The following LARP6 variants were observed in gnomAD, a reference collection of about 807,000 sequenced individuals.
LARP6 encodes La ribonucleoprotein 6, translational regulator, also known as la-related protein 6.
LARP6 carries 18 observed loss-of-function variants against 32.8 expected under a neutral mutation model. The ratio of observed to expected loss-of-function variants is 0.55; its 90% CI spans 0.38 to 0.81. The LOEUF (loss-of-function observed/expected upper bound fraction) is 0.81, where lower values mean the gene tolerates loss of function less well. Among genes scored for constraint, LARP6 ranks in the 40% least tolerant of loss-of-function variants. The pLI is 0.00. For synonymous variants in LARP6, 289 were observed against 267.2 expected (o/e 1.08, Z -0.80); for missense variants, 598 against 663.1 (o/e 0.90, Z 1.08).
At position 70,832,581 on chromosome 15, in the gene LARP6, A is replaced by G; in HGVS notation, c.947T>C (p.Leu316Pro). The change falls in exon 3 of 3, where the codon CTG (leucine) becomes CCG (proline). Residue 316 changes from leucine to proline, a missense_variant. Physicochemically the swap from Leu to Pro is moderately conservative, Grantham distance 98. Transcript: ENST00000299213. ...GACTCTCTTGTTCAGGGACTTGTTC[A>G]GGTGGATGCTCGCAGTGGGCTCCTC... ...HDEEPTASIHLNKSLNKRVEE... is the reference protein window; with the variant it reads ...HDEEPTASIHPNKSLNKRVEE... 1 of 1,586,170 alleles carries G rather than the reference A, an allele frequency of 6.3e-7. No individual in the cohort carries two copies. Among genetic ancestry groups the G allele is most frequent in the Non-Finnish European group, 8.6e-7 (1 of 1,168,936 alleles).
rs1454171249 is a variant in LARP6, at chr15:70,854,031, C to A, written c.58G>T (p.Val20Phe). The A allele has an allele frequency of 2.1e-6, 3 of 1,452,502 alleles. No individual in the cohort carries two copies. Among genetic ancestry groups the A allele is most frequent in the African/African-American group, 1.5e-5 (1 of 67,936 alleles). 90.0% of individuals were successfully genotyped at this position (1,452,502 alleles called of 1,614,324 possible). ...PGPKTAVQIR[V>F]AIQEAEDVDE... ...ACGTCCTCGGCCTCCTGGATGGCGA[C>A]GCGGATCTGCACCGCCGTCTTGGGC... Residue 20 changes from valine to phenylalanine, a missense_variant, in exon 1 of 3, where the codon GTC (valine) becomes TTC (phenylalanine). Val to Phe is a conservative substitution (Grantham distance 50). Coordinates refer to ENST00000299213, the MANE Select transcript of LARP6 (RefSeq NM_018357.4).
chr15:70,836,004 A>G (rs1046932777), intron 2 of LARP6, among the ~76,000 whole-genome samples: 1 of 152,090 alleles, frequency 6.6e-6, no homozygotes, highest in Non-Finnish European at 1.5e-5. Context: ...CCTCCTGGCC[A>G]CCCACTTGCC....
rs2032052715 is a variant in LARP6 at position 70,832,140 on chromosome 15, C to A, written c.1388G>T (p.Gly463Val). The A allele has an allele frequency of 3.1e-6, 5 of 1,610,728 alleles. No individual in the cohort carries two copies. The highest frequency in any genetic ancestry group is 4.2e-6 in the Non-Finnish European group (5 of 1,178,356). ...LLSRKMQTAD[G>V]LPVGVLRLPR... The stretch of plus-strand genomic sequence containing the variant: ...CAACCTCAGCACCCCTACGGGTAGC[C>A]CATCTGCAGTCTGCATCTTCCGGGA... Residue 463 changes from glycine to valine, a missense_variant, in exon 3 of 3, where the codon GGG (glycine) becomes GTG (valine). Around this residue, in one of 3 missense-constraint regions of LARP6, gnomAD observed 368 missense variants for 397.9 expected, o/e 0.92. Coordinates refer to ENST00000299213, the MANE Select transcript of LARP6 (RefSeq NM_018357.4).
rs766976043 is a variant in LARP6, at chr15:70,832,544, C to T, written c.984G>A (p.Gln328=). 5.1e-6 allele frequency: 8 copies of T among 1,560,488 alleles called. No individual in the cohort carries two copies. The highest frequency in any genetic ancestry group is 4.5e-5 in the East Asian group (2 of 44,706). Residue 328 remains glutamine (Q), a synonymous_variant, in exon 3 of 3, where the codon CAG becomes CAA. Transcript: ENST00000299213. ...KSLNKRVEEL[Q]YMGDESSANS... is the part of the protein sequence containing the mutation. ...TGGCAGAAGACTCATCACCCATGTA[C>T]TGAAGCTCCTCGACTCTCTTGTTCA... is the stretch of plus-strand genomic sequence containing the variant.
intron 1 of LARP6, among the ~76,000 whole-genome samples, chr15:70,846,696 C>T (rs934430350): frequency 1.4e-4 from 21 of 152,050 alleles, no homozygotes; most frequent in African/African-American, 4.8e-4. Flanking sequence ...TATTCAGACT[C>T]ATTTAGAATC....
Position 70,833,108 on chromosome 15 carries a change from A to G in LARP6, c.420T>C (p.His140=). The G allele has an allele frequency of 6.2e-7, 1 of 1,613,818 alleles. No individual in the cohort carries two copies. The highest frequency in any genetic ancestry group is 8.5e-7 in the Non-Finnish European group (1 of 1,179,762). The change falls in exon 3 of 3, where the codon CAT becomes CAC. Residue 140 remains histidine (H), a synonymous_variant. Transcript: ENST00000299213. ...CTGTGGTTCTCCAGTCCCGTGTAAG[A>G]TGTTTCACCTGCAGAACATAAAGCA... is the stretch of plus-strand genomic sequence containing the variant. ...KLLTSFKKVK[H]LTRDWRTTAH...
At chr15:70,852,216 T>C (rs752852407) in intron 1 of LARP6, 1 of 449,678 alleles carries the variant, frequency 2.2e-6, no homozygotes, top group South Asian at 1.6e-5. Flanking sequence ...CACTGGGCTC[T>C]GTCAGCTCAC....
intron 1 of LARP6, chr15:70,851,613 A>G (rs747212092): frequency 6.2e-7 from 1 of 1,607,114 alleles, no homozygotes; most frequent in Non-Finnish European, 8.5e-7. Flanking sequence ...GATGATAGAG[A>G]TACGCATTCA....
chr15:70,851,574 C>T, intron 1 of LARP6: 1 of 1,574,702 alleles, frequency 6.4e-7, no homozygotes, highest in Non-Finnish European at 8.6e-7. Context: ...AGGGGAAACA[C>T]AAATATCTCA....
intron 2 of LARP6, among the ~76,000 whole-genome samples, 199 bp downstream of exon 2, chr15:70,836,096 G>A (rs563530186): frequency 2.2e-4 from 33 of 152,180 alleles, no homozygotes; most frequent in African/African-American, 7.9e-4. Flanking sequence ...CCAATGCCCA[G>A]GACCCTTTTA....
At position 70,832,750 on chromosome 15, in the gene LARP6, T is replaced by C; in HGVS notation, c.778A>G (p.Ile260Val). Reference sequence around the variant, plus strand: ...GCTTCCACCTCCTCGAACTCCACGATGGCGCACTCCTGGGTCCCCACTTGG... The same window carrying C: ...GCTTCCACCTCCTCGAACTCCACGACGGCGCACTCCTGGGTCCCCACTTGG... ...YSQVGTQECA[I>V]VEFEEVEAAI... Residue 260 changes from isoleucine (I) to valine (V), a missense_variant, in exon 3 of 3, where the codon ATC becomes GTC. Transcript: ENST00000299213. The C allele has an allele frequency of 6.3e-7, 1 of 1,598,902 alleles. No individual in the cohort carries two copies.
At chr15:70,833,247 T>C (rs2032088935) in intron 2 of LARP6, 131 bp from the exon 3 acceptor site, 1 of 703,050 alleles carries the variant, frequency 1.4e-6, no homozygotes, top group East Asian at 2.6e-5. Context: ...TCTAGAATCA[T>C]ACGTGGTATG....
Position 70,853,979 on chromosome 15 carries a change from C to T in LARP6, c.110G>A (p.Gly37Glu). ...DVDELEDEEEGAETRGAGDPA... is the reference protein window; with the variant it reads ...DVDELEDEEEEAETRGAGDPA... The stretch of plus-strand genomic sequence containing the variant: ...GTCCCCGGCGCCCCGAGTCTCCGCC[C>T]CCTCCTCCTCGTCCTCCAACTCGTC... The change falls in exon 1 of 3, where the codon GGG becomes GAG. Residue 37 changes from glycine to glutamate, a missense_variant. Physicochemically the swap from Gly to Glu is moderately conservative, Grantham distance 98. Coordinates refer to ENST00000299213, the MANE Select transcript of LARP6 (RefSeq NM_018357.4). The T allele has an allele frequency of 6.8e-7, 1 of 1,462,728 alleles. No homozygotes were observed. The highest frequency in any genetic ancestry group is 9.1e-7 in the Non-Finnish European group (1 of 1,102,144). 90.6% of individuals were successfully genotyped at this position (1,462,728 alleles called of 1,614,324 possible).
At position 70,829,657 on chromosome 15, in the gene LARP6, G is replaced by A. The variant is rs1466504567; in HGVS notation, c.*2395C>T. 6.6e-6 allele frequency: 1 copy of A among 152,176 alleles called. No individual in the cohort carries two copies. The highest frequency in any genetic ancestry group is 1.9e-4 in the East Asian group (1 of 5,200). The allele number at this position is 152,176 out of a possible 1,614,324, so 9.4% of individuals were successfully genotyped here. ...TATCCACTGGTTTGTGGGAAGAACT[G>A]TGAACCAATAAAATAAATGACTTGC... is the stretch of plus-strand genomic sequence containing the variant. On this transcript the variant is annotated 3_prime_UTR_variant, in exon 3 of 3. Transcript: ENST00000299213.
At chr15:70,833,958 G>A (rs1430296560) in intron 2 of LARP6, among the ~76,000 whole-genome samples, 1 of 152,114 alleles carries the variant, frequency 6.6e-6, no homozygotes, top group Non-Finnish European at 1.5e-5. Flanking sequence ...TATTTATACT[G>A]TAAAACAGTA....
At position 70,832,594 on chromosome 15, in the gene LARP6, C is replaced by T; in HGVS notation, c.934G>A (p.Ala312Thr). The change falls in exon 3 of 3, where the codon GCG becomes ACG. Residue 312 changes from alanine to threonine, a missense_variant. Physicochemically the swap from Ala to Thr is moderately conservative, Grantham distance 58. Around this residue, in one of 3 missense-constraint regions of LARP6, gnomAD observed 368 missense variants for 397.9 expected, o/e 0.92. Transcript: ENST00000299213. Reference protein sequence around the residue: ...KDKNHDEEPTASIHLNKSLNK... With the variant: ...KDKNHDEEPTTSIHLNKSLNK... ...AGGGACTTGTTCAGGTGGATGCTCG[C>T]AGTGGGCTCCTCGTCATGATTTTTG... 6.3e-7 allele frequency: 1 copy of T among 1,597,478 alleles called. No homozygotes were observed. The highest frequency in any genetic ancestry group is 2.2e-5 in the East Asian group (1 of 44,844).
At position 70,841,070 on chromosome 15, in the gene LARP6, C is replaced by T. The variant is rs1029677012; in HGVS notation, c.201-4565G>A. ...CTGGGATTACAGGCGCCCGCCACCG[C>T]GCCCGGCTAATTTTTTGTATTTTTA... On this transcript the variant is annotated intron_variant, in intron 1 of 2. Transcript: ENST00000299213. Among the ~76,000 whole-genome samples the T allele has an allele frequency of 1.1e-4, 16 of 152,068 alleles. 1 individual carries two copies. Among genetic ancestry groups the T allele is most frequent in the Admixed American group, 7.9e-4 (12 of 15,278 alleles).
chr15:70,836,572 G>T, intron 1 of LARP6, 67 bp from the exon 2 acceptor site: 1 of 1,319,308 alleles, frequency 7.6e-7, no homozygotes, highest in South Asian at 1.2e-5. Context: ...AAATTCATAT[G>T]CTGAAGTCCT....
At chr15:70,845,581 T>C (rs528508435) in intron 1 of LARP6, among the ~76,000 whole-genome samples, 8 of 152,348 alleles carry the variant, frequency 5.3e-5, no homozygotes, top group African/African-American at 1.7e-4. Flanking sequence ...GTTTCTCCCC[T>C]GTAAAACCAC....
Sources: gnomAD v4.1 joint callset for allele counts (sites outside exome capture counted in the v4.1 genomes callset) on GRCh38, gnomAD v4.1.1 for gene constraint, gnomAD v4.1.1 regional missense constraint, MANE v1.5 for transcripts, NCBI Gene and HGNC (gene_info 2026-07-23, HGNC 2026-07-21) for gene names.